FAM222B: variants seen among roughly 807,000 people sequenced by gnomAD.
FAM222B encodes the protein protein FAM222B.
Under a neutral mutation model 38.0 loss-of-function variants are expected in FAM222B, and 12 were observed. The observed-to-expected ratio is 0.32, with a 90% CI of 0.20 to 0.51. FAM222B has a LOEUF of 0.51. Among genes scored for constraint, FAM222B ranks in the 20% least tolerant of loss-of-function variants. FAM222B has a pLI of 0.97. For missense variants in FAM222B, 716 were observed against 754.2 expected (o/e 0.95, Z 0.59); for synonymous variants, 329 against 317.2 (o/e 1.04, Z -0.40).
chr17:28,771,225 C>A (rs1395167750), intron 1 of FAM222B, among the ~76,000 whole-genome samples: 2 of 151,940 alleles, frequency 1.3e-5, no homozygotes, highest in Non-Finnish European at 2.9e-5. Context: ...ATCATCGGAT[C>A]TGGAATATTA....
chr17:28,807,143 G>A (rs1468769926), intron 1 of FAM222B, among the ~76,000 whole-genome samples: 2 of 151,616 alleles, frequency 1.3e-5, no homozygotes, highest in Admixed American at 1.3e-4. Context: ...GGCTTCCCAA[G>A]TAGCTGGGAT....
Position 28,814,615 on chromosome 17 carries a change from C to T in FAM222B, c.-41+28067G>A, listed in dbSNP as rs2037941556. On this transcript the variant is annotated intron_variant, in intron 1 of 2. Transcript: ENST00000581407. Reference sequence around the variant, plus strand: ...CCAAGTAGCTGAAATTACAGGTGCACACCACCACGCCTGGCTAACTTTTGT... The same window carrying T: ...CCAAGTAGCTGAAATTACAGGTGCATACCACCACGCCTGGCTAACTTTTGT... 2.0e-5 allele frequency among the ~76,000 whole-genome samples: 3 copies of T among 151,940 alleles called. No homozygotes were observed. The South Asian group carries it at 6.2e-4, about 32-fold the overall frequency.
chr17:28,760,691 C>T (rs1016172400), intron 2 of FAM222B, among the ~76,000 whole-genome samples: 1 of 152,210 alleles, frequency 6.6e-6, no homozygotes, highest in African/African-American at 2.4e-5. Context: ...GGTGGCCCTT[C>T]AGTCTAGAGG....
intron 1 of FAM222B, among the ~76,000 whole-genome samples, chr17:28,805,313 T>C (rs1313962380): frequency 6.6e-6 from 1 of 152,112 alleles, no homozygotes; most frequent in Non-Finnish European, 1.5e-5. Context: ...GGCAGGCAGA[T>C]CACTTGAGGC....
intron 1 of FAM222B, among the ~76,000 whole-genome samples, chr17:28,826,172 G>C (rs1384690429): frequency 6.6e-6 from 1 of 151,446 alleles, no homozygotes; most frequent in East Asian, 2.0e-4. Flanking sequence ...CGGTTCAAGC[G>C]ATTCTCCTGC....
At chr17:28,790,884 C>CTTTTTTTTTTTTTTTTT (rs60664262) in intron 1 of FAM222B, among the ~76,000 whole-genome samples, 9 of 86,090 alleles carry the variant, frequency 1.0e-4, no homozygotes, top group East Asian at 3.5e-4. Flanking sequence ...AATTGTTTCA[C>CTTTTTTTTTTTTTTTTT]TTTTTTTTTT....
upstream of FAM222B, among the ~76,000 whole-genome samples, chr17:28,847,303 T>C (rs2039151637): frequency 6.6e-6 from 1 of 151,520 alleles, no homozygotes; most frequent in African/African-American, 2.4e-5. Context: ...CTTACTAAAA[T>C]AGTGTAGTGG....
At chr17:28,762,445 G>C (rs2035122381) in intron 2 of FAM222B, among the ~76,000 whole-genome samples, 1 of 151,378 alleles carries the variant, frequency 6.6e-6, no homozygotes, top group Non-Finnish European at 1.5e-5. Flanking sequence ...GCCCAGCATG[G>C]TGAAACCCTG....
chr17:28,791,020 T>C (rs1254955705), intron 1 of FAM222B, among the ~76,000 whole-genome samples: 1 of 149,312 alleles, frequency 6.7e-6, no homozygotes, highest in Non-Finnish European at 1.5e-5. Context: ...TGCCTGAGCC[T>C]CCTGAGTAGC....
chr17:28,788,184 A>C (rs753914525), intron 1 of FAM222B, among the ~76,000 whole-genome samples: 2 of 152,176 alleles, frequency 1.3e-5, no homozygotes, highest in Non-Finnish European at 2.9e-5. Context: ...AATGATCAGC[A>C]GAATTATTTG....
chr17:28,783,592 A>C (rs1350401175), intron 1 of FAM222B, among the ~76,000 whole-genome samples: 1 of 151,684 alleles, frequency 6.6e-6, no homozygotes, highest in Non-Finnish European at 1.5e-5. Context: ...GGCTCACTGC[A>C]ACCTCCGCTT....
At chr17:28,785,851 G>A (rs779130862) in intron 1 of FAM222B, among the ~76,000 whole-genome samples, 20 of 152,120 alleles carry the variant, frequency 1.3e-4, no homozygotes, top group Non-Finnish European at 2.4e-4. Context: ...GGGACTACAG[G>A]TGCCTGCCAC....
At chr17:28,763,753 A>C (rs1435509361) in intron 2 of FAM222B, among the ~76,000 whole-genome samples, 3 of 152,284 alleles carry the variant, frequency 2.0e-5, no homozygotes, top group Non-Finnish European at 4.4e-5. Context: ...TTCCATATGG[A>C]ATTTTTGAGG....
intron 1 of FAM222B, among the ~76,000 whole-genome samples, chr17:28,811,070 AT>A (rs906540151): frequency 9.2e-5 from 14 of 151,488 alleles, no homozygotes; most frequent in Non-Finnish European, 1.3e-4. Context: ...AAAAAAAAAA[AT>A]ATTCATCCCT....
chr17:28,777,500 T>C (rs2035947515), intron 1 of FAM222B, among the ~76,000 whole-genome samples: 1 of 152,192 alleles, frequency 6.6e-6, no homozygotes, highest in Non-Finnish European at 1.5e-5. Context: ...TCTCCCTGCA[T>C]ATTCTAACTT....
intron 1 of FAM222B, among the ~76,000 whole-genome samples, chr17:28,777,996 C>A (rs1290484258): frequency 6.7e-6 from 1 of 148,172 alleles, no homozygotes; most frequent in African/African-American, 2.5e-5. Flanking sequence ...CATCATGTTG[C>A]CCAGGCTGGA....
upstream of FAM222B, among the ~76,000 whole-genome samples, chr17:28,844,690 A>G (rs1029061181): frequency 9.9e-5 from 15 of 152,108 alleles, no homozygotes; most frequent in Non-Finnish European, 1.9e-4. Context: ...AAAGCTGGGC[A>G]TAGTGACTTA....
At chr17:28,850,378 T>C (rs2039172879) in intron 1 of FAM222B, among the ~76,000 whole-genome samples, 1 of 151,710 alleles carries the variant, frequency 6.6e-6, no homozygotes, top group Non-Finnish European at 1.5e-5. Flanking sequence ...CTCGGCTCAC[T>C]GCAAGCCCCG....
At chr17:28,813,558 G>C (rs1297343573) in intron 1 of FAM222B, among the ~76,000 whole-genome samples, 1 of 151,100 alleles carries the variant, frequency 6.6e-6, no homozygotes, top group Non-Finnish European at 1.5e-5. Context: ...ACGGAGTCTC[G>C]CTCTGTTGCC....
Sources: gnomAD v4.1 joint callset for allele counts (sites outside exome capture counted in the v4.1 genomes callset) on GRCh38, gnomAD v4.1.1 for gene constraint, MANE v1.5 for transcripts, NCBI Gene and HGNC (gene_info 2026-07-23, HGNC 2026-07-21) for gene names.